CCDC92: variants seen among roughly 807,000 people sequenced by gnomAD.
CCDC92 encodes coiled-coil domain-containing protein 92.
CCDC92 carries 12 observed loss-of-function variants against 24.9 expected under a neutral mutation model. The observed-to-expected ratio is 0.48, with a 90% CI of 0.31 to 0.78. The LOEUF (loss-of-function observed/expected upper bound fraction) is 0.78. CCDC92 is among the 30% of genes least tolerant of loss of function. The pLI is 0.05. For synonymous variants in CCDC92, 193 were observed against 196.3 expected, an observed-to-expected ratio of 0.98 and a Z score of 0.14; for missense variants, 399 against 439.4, an observed-to-expected ratio of 0.91 and a Z score of 0.82.
chr12:123,965,457 G>A (rs538133612), intron 1 of CCDC92, among the ~76,000 whole-genome samples: 1 of 152,172 alleles, frequency 6.6e-6, no homozygotes, highest in African/African-American at 2.4e-5. Context: ...TTCCTGTCTT[G>A]ACTATGGACA....
At position 123,936,778 on chromosome 12, in the gene CCDC92, T is replaced by G; in HGVS notation, c.*280A>C. Reference sequence around the variant, plus strand: ...CATCAGTAGTGACGCAGCCGTGGCCTGGGCTTTGCCTGCAGCGCACTTAGG... The same window carrying G: ...CATCAGTAGTGACGCAGCCGTGGCCGGGGCTTTGCCTGCAGCGCACTTAGG... On this transcript the variant is annotated 3_prime_UTR_variant, in exon 5 of 5. Coordinates refer to ENST00000238156, the MANE Select transcript of CCDC92 (RefSeq NM_025140.3). 1.8e-6 allele frequency: 1 copy of G among 561,374 alleles called. No homozygotes were observed. 34.8% of individuals were successfully genotyped at this position (561,374 alleles called of 1,614,324 possible). A position where few individuals can be genotyped will look rare whatever the true frequency, so the allele number is the denominator to read the frequency against.
At chr12:123,942,639 C>T in intron 4 of CCDC92, 105 bp downstream of exon 4, 2 of 894,316 alleles carry the variant, frequency 2.2e-6, no homozygotes, top group Non-Finnish European at 3.8e-6. Flanking sequence ...CATAACTCTT[C>T]CCAGCAAGAG....
At chr12:123,947,772 A>AGGCTGCCCGAGCCAGCAGT (rs1249234735) in intron 1 of CCDC92, among the ~76,000 whole-genome samples, 4 of 151,990 alleles carry the variant, frequency 2.6e-5, no homozygotes, top group Non-Finnish European at 5.9e-5. Flanking sequence ...AAATAAAAGC[A>AGGCTGCCCGAGCCAGCAGT]GGCTGCCCGA....
At chr12:123,958,292 A>C (rs1010651870) in intron 1 of CCDC92, among the ~76,000 whole-genome samples, 1 of 151,972 alleles carries the variant, frequency 6.6e-6, no homozygotes, top group Non-Finnish European at 1.5e-5. Context: ...ACCTCAGGTG[A>C]TCCTCCTGCC....
At chr12:123,968,072 T>C (rs1267468886) in intron 1 of CCDC92, 3 of 152,284 alleles carry the variant, frequency 2.0e-5, no homozygotes, top group African/African-American at 7.2e-5. Flanking sequence ...GTCGTTTTTT[T>C]CCCCTTTTTA....
chr12:123,950,352 C>T (rs1407174758), intron 1 of CCDC92, among the ~76,000 whole-genome samples: 4 of 152,222 alleles, frequency 2.6e-5, no homozygotes, highest in Non-Finnish European at 2.9e-5. Context: ...CAGCACTGCT[C>T]GCACGGAGGC....
chr12:123,947,983 A>T (rs765188189), intron 1 of CCDC92, among the ~76,000 whole-genome samples: 1 of 152,198 alleles, frequency 6.6e-6, no homozygotes, highest in Non-Finnish European at 1.5e-5. Flanking sequence ...CTCCGAACAC[A>T]TCCGAACATC....
intron 1 of CCDC92, among the ~76,000 whole-genome samples, chr12:123,965,387 C>T (rs1004135361): frequency 6.6e-6 from 1 of 152,138 alleles, no homozygotes; most frequent in Non-Finnish European, 1.5e-5. Flanking sequence ...ATATTCTGTC[C>T]AGAAGTCAAA....
chr12:123,961,890 T>C (rs1956280151), intron 1 of CCDC92, among the ~76,000 whole-genome samples: 2 of 152,036 alleles, frequency 1.3e-5, no homozygotes, highest in Admixed American at 6.6e-5. Context: ...AGAGGTGGGG[T>C]CATCCCAAAC....
At chr12:123,964,156 G>A (rs937256012) in intron 1 of CCDC92, among the ~76,000 whole-genome samples, 1 of 152,114 alleles carries the variant, frequency 6.6e-6, no homozygotes, top group African/African-American at 2.4e-5. Context: ...CTTGGAAAAG[G>A]TCTCTCCCAA....
Position 123,953,794 on chromosome 12 carries a change from A to C in CCDC92, c.-59-9430T>G, listed in dbSNP as rs544475136. 4.6e-5 allele frequency among the ~76,000 whole-genome samples: 7 copies of C among 150,756 alleles called. No homozygotes were observed. The South Asian group carries it at 1.5e-3, about 32-fold the overall frequency. The stretch of plus-strand genomic sequence containing the variant: ...CTCCGTCTCAAAAACAAAAACAAAA[A>C]CAAAAACAAAAATTAGCCAGGTGTC... On this transcript the variant is annotated intron_variant, in intron 1 of 4. Coordinates refer to ENST00000238156, the MANE Select transcript of CCDC92 (RefSeq NM_025140.3).
At chr12:123,958,805 A>AT (rs573697922) in intron 1 of CCDC92, among the ~76,000 whole-genome samples, 57 of 152,220 alleles carry the variant, frequency 3.7e-4, no homozygotes, top group Non-Finnish European at 6.3e-4. Context: ...TAAACTTGGT[A>AT]TTTTTTTGGT....
intron 1 of CCDC92, among the ~76,000 whole-genome samples, 190 bp downstream of exon 1, chr12:123,972,339 G>A (rs1032579570): frequency 1.3e-5 from 2 of 152,094 alleles, no homozygotes; most frequent in Admixed American, 6.5e-5. Context: ...GGGAGCTAAC[G>A]TGGCTCCCAA....
chr12:123,949,348 G>A (rs1471491855), intron 1 of CCDC92, among the ~76,000 whole-genome samples: 1 of 152,264 alleles, frequency 6.6e-6, no homozygotes, highest in Non-Finnish European at 1.5e-5. Context: ...AAGCGTTGCT[G>A]AGAGCCATCC....
intron 4 of CCDC92, 88 bp downstream of exon 4, chr12:123,942,656 C>T: frequency 1.0e-6 from 1 of 988,982 alleles, no homozygotes; most frequent in Non-Finnish European, 1.6e-6. Flanking sequence ...AGAGCATTTT[C>T]TCCTAAGTGT....
intron 1 of CCDC92, among the ~76,000 whole-genome samples, chr12:123,961,745 G>A (rs1031439519): frequency 3.9e-5 from 6 of 152,158 alleles, no homozygotes; most frequent in African/African-American, 1.4e-4. Context: ...CTTTTACTGA[G>A]GGCTCAGTGC....
In CCDC92 at chr12:123,937,895, A is replaced by G. The variant is rs1468093103; in HGVS notation, c.224-65T>C. The G allele has an allele frequency of 2.1e-5, 32 of 1,495,582 alleles. No individual in the cohort carries two copies. The highest frequency in any genetic ancestry group is 2.7e-5 in the Non-Finnish European group (30 of 1,112,438). 92.6% of individuals were successfully genotyped at this position (1,495,582 alleles called of 1,614,324 possible). On this transcript the variant is annotated intron_variant, in intron 4 of 4. Transcript: ENST00000238156. The surrounding 1 kb of genome is among the most constrained non-coding windows in gnomAD (Gnocchi z 8.4). ...AGACTGAGGCCGAGTGGTGAGGCCT[A>G]TGGGGCAGGCGGACCTGTCTGGTGG...
rs545784118 is a variant in CCDC92 at position 123,947,270 on chromosome 12, G to A, written c.-59-2906C>T. Reference sequence around the variant, plus strand: ...CACTCCATGGGCTCCTGTGCTGCCCGAGCCTCCCCGACCAGTGCCGCTCCC... The same window carrying A: ...CACTCCATGGGCTCCTGTGCTGCCCAAGCCTCCCCGACCAGTGCCGCTCCC... On this transcript the variant is annotated intron_variant, in intron 1 of 4. Transcript: ENST00000238156. Among the ~76,000 whole-genome samples the A allele has an allele frequency of 1.1e-4, 17 of 152,302 alleles. No individual in the cohort carries two copies. The East Asian group carries it at 1.9e-3, about 17-fold the overall frequency.
intron 1 of CCDC92, among the ~76,000 whole-genome samples, chr12:123,964,309 A>C (rs1464768554): frequency 1.3e-5 from 2 of 152,158 alleles, no homozygotes; most frequent in African/African-American, 4.8e-5. Flanking sequence ...ATAACACAGA[A>C]GACTACATAA....
Sources: gnomAD v4.1 joint callset for allele counts (sites outside exome capture counted in the v4.1 genomes callset) on GRCh38, gnomAD v4.1.1 for gene constraint, Gnocchi (gnomAD v3.1) non-coding constraint, MANE v1.5 for transcripts, NCBI Gene and HGNC (gene_info 2026-07-23, HGNC 2026-07-21) for gene names.